Variants in THTPA observed in about 807,000 individuals in gnomAD.
THTPA encodes thiamine triphosphatase.
THTPA carries 16 observed loss-of-function variants against 16.5 expected under a neutral mutation model. The ratio of observed to expected loss-of-function variants is 0.97; its 90% confidence interval spans 0.66 to 1.47. The LOEUF is 1.47. Among genes scored for constraint, THTPA ranks in the 40% most tolerant of loss-of-function variants. The probability of loss-of-function intolerance (pLI) is 0.00; values close to 1 mark genes in which losing one functional copy is unlikely to be tolerated. For synonymous variants in THTPA, 110 were observed against 115.5 expected (o/e 0.95, Z 0.30); for missense variants, 281 against 280.9 (o/e 1.00, Z 0.00).
At chr14:23,549,881 A>G in the THTPA span, among the ~76,000 whole-genome samples, 1 of 152,154 alleles carries the variant, frequency 6.6e-6, no homozygotes, top group Non-Finnish European at 1.5e-5. Flanking sequence ...AAAATGCTGG[A>G]TAAGAGGAAA....
At chr14:23,555,585 C>T (rs1009538184), upstream of THTPA, 1 of 152,224 alleles carries the variant, frequency 6.6e-6, no homozygotes, top group African/African-American at 2.4e-5. Flanking sequence ...CTCACCCACT[C>T]TTACCCTCAA....
At chr14:23,520,209 G>A in the THTPA span, among the ~76,000 whole-genome samples, 640 of 152,218 alleles carry the variant, frequency 4.2e-3, 9 homozygotes, top group East Asian at 0.011. The surrounding 1 kb of genome is among the most constrained non-coding windows in gnomAD (Gnocchi z 8.7). Context: ...ATTCGTGTCA[G>A]CTCTAGAACC....
chr14:23,535,080 A>G, the THTPA span: 3 of 1,536,188 alleles, frequency 2.0e-6, no homozygotes, highest in South Asian at 2.4e-5. The surrounding 1 kb of genome is among the most constrained non-coding windows in gnomAD (Gnocchi z 4.5). Flanking sequence ...GGAAGTGACC[A>G]CAGTCAGGCC....
At chr14:23,549,657 C>T in the THTPA span, among the ~76,000 whole-genome samples, 1 of 152,114 alleles carries the variant, frequency 6.6e-6, no homozygotes, top group Admixed American at 6.5e-5. Context: ...GGATGGGGGG[C>T]AACCAGGCAG....
chr14:23,519,347 T>G, the THTPA span, among the ~76,000 whole-genome samples: 1 of 152,254 alleles, frequency 6.6e-6, no homozygotes, highest in Non-Finnish European at 1.5e-5. Context: ...TTCTAACTTT[T>G]ATACACAAGT....
upstream of THTPA, among the ~76,000 whole-genome samples, chr14:23,554,428 G>A (rs907554392): frequency 5.9e-5 from 9 of 152,118 alleles, no homozygotes; most frequent in Non-Finnish European, 1.2e-4. Flanking sequence ...AGGCTGGAGT[G>A]CAGGCAGTAG....
At chr14:23,557,899 A>G (rs1882651657) in intron 1 of THTPA, among the ~76,000 whole-genome samples, 1 of 152,232 alleles carries the variant, frequency 6.6e-6, no homozygotes, top group African/African-American at 2.4e-5. Flanking sequence ...GAGTCCAACC[A>G]GTCTTGTCCT....
chr14:23,523,406 C>G, the THTPA span: 11 of 1,522,672 alleles, frequency 7.2e-6, no homozygotes, highest in African/African-American at 1.4e-4. The surrounding 1 kb of genome is among the most constrained non-coding windows in gnomAD (Gnocchi z 4.1). Context: ...CAGCTGGGCT[C>G]GAACCGCCTC....
chr14:23,530,163 T>A, the THTPA span: 7 of 1,535,648 alleles, frequency 4.6e-6, no homozygotes, highest in Non-Finnish European at 6.1e-6. Flanking sequence ...CAGGGGTGGG[T>A]GGCTCAGCTA....
chr14:23,527,541 C>T, the THTPA span: 6 of 1,524,362 alleles, frequency 3.9e-6, no homozygotes, highest in South Asian at 1.2e-5. Flanking sequence ...CCTGCCTCTT[C>T]CTCCCCTCCT....
chr14:23,539,508 G>A, the THTPA span, among the ~76,000 whole-genome samples: 2 of 152,298 alleles, frequency 1.3e-5, no homozygotes, highest in African/African-American at 4.8e-5. Flanking sequence ...GGCCCTGACC[G>A]AGCAAGATGG....
the THTPA span, chr14:23,528,898 G>C: frequency 1.1e-6 from 1 of 924,532 alleles, no homozygotes; most frequent in Non-Finnish European, 1.3e-6. Flanking sequence ...TGTGTGTCAG[G>C]GAGGGGATGA....
the THTPA span, chr14:23,524,346 G>A: frequency 1.3e-6 from 2 of 1,536,304 alleles, no homozygotes; most frequent in East Asian, 2.4e-5. This position sits in a 1 kb window ranked among gnomAD's most constrained non-coding sequence, Gnocchi z 5.6. Flanking sequence ...AGCTGCTCAG[G>A]CAAGATGGTG....
chr14:23,525,991 TATG>T, the THTPA span: 2 of 1,526,140 alleles, frequency 1.3e-6, no homozygotes, highest in South Asian at 2.4e-5. This position sits in a 1 kb window ranked among gnomAD's most constrained non-coding sequence, Gnocchi z 5.9. Context: ...GCAATCCAGA[TATG>T]AAGCCACTGG....
At chr14:23,535,146 G>C in the THTPA span, 1 of 1,536,028 alleles carries the variant, frequency 6.5e-7, no homozygotes, top group African/African-American at 1.4e-5. The surrounding 1 kb of genome is among the most constrained non-coding windows in gnomAD (Gnocchi z 4.5). Context: ...CCGACTCCAG[G>C]AGCTGTCCCC....
At chr14:23,530,013 CAGTTTTGCTCCTTG>C in the THTPA span, 1 of 1,186,890 alleles carries the variant, frequency 8.4e-7, no homozygotes, top group South Asian at 1.3e-5. Context: ...TTTCTTTAAT[CAGTTTTGCTCCTTG>C]AGCACAGACA....
chr14:23,524,718 C>T, the THTPA span: 2 of 1,536,358 alleles, frequency 1.3e-6, no homozygotes, highest in Non-Finnish European at 1.7e-6. This position sits in a 1 kb window ranked among gnomAD's most constrained non-coding sequence, Gnocchi z 5.6. Flanking sequence ...CTCAGCTCCT[C>T]CCCATCTGGA....
the THTPA span, chr14:23,537,871 T>A: frequency 6.6e-6 from 1 of 152,208 alleles, no homozygotes; most frequent in Non-Finnish European, 1.5e-5. Flanking sequence ...CCCCACCTGG[T>A]GGGAATAACT....
At chr14:23,522,737 G>A in the THTPA span, 1 of 1,536,546 alleles carries the variant, frequency 6.5e-7, no homozygotes, top group Non-Finnish European at 8.7e-7. Context: ...GCCTGCAACT[G>A]GCTTTCGCTC....
Sources: gnomAD v4.1 joint callset for allele counts (sites outside exome capture counted in the v4.1 genomes callset) on GRCh38, gnomAD v4.1.1 for gene constraint, Gnocchi (gnomAD v3.1) non-coding constraint, MANE v1.5 for transcripts, NCBI Gene and HGNC (gene_info 2026-07-23, HGNC 2026-07-21) for gene names.